Variants in ZNF658 observed in about 807,000 individuals in gnomAD.
The protein encoded by ZNF658 is zinc finger protein 658.
ZNF658 carries 46 observed loss-of-function variants against 78.0 expected under a neutral mutation model. The ratio of observed to expected loss-of-function variants is 0.59; its 90% CI spans 0.47 to 0.75. ZNF658 has a LOEUF of 0.75. Ranked by LOEUF, ZNF658 falls within the 30% of genes least tolerant of loss-of-function variation. The pLI, the probability that ZNF658 is intolerant of heterozygous loss-of-function variation, is 0.00. For synonymous variants in ZNF658, 279 were observed against 408.4 expected (o/e 0.68, Z 3.82); for missense variants, 785 against 1,189.3 (o/e 0.66, Z 5.00).
intron 6 of ZNF658, among the ~76,000 whole-genome samples, chr9:66,930,600 G>A (rs1417521304): frequency 1.3e-5 from 2 of 151,956 alleles, no homozygotes. Flanking sequence ...ACAAGGTCAA[G>A]AGATCGAGAC....
At chr9:66,925,738 T>C (rs1822580197), downstream of ZNF658, among the ~76,000 whole-genome samples, 1 of 152,076 alleles carries the variant, frequency 6.6e-6, no homozygotes, top group East Asian at 1.9e-4. Flanking sequence ...CAAACTCATT[T>C]CACGAGGCCA....
intron 4 of ZNF658, among the ~76,000 whole-genome samples, 199 bp downstream of exon 4, chr9:66,908,933 C>T (rs1822148872): frequency 6.6e-6 from 1 of 152,186 alleles, no homozygotes; most frequent in African/African-American, 2.4e-5. Flanking sequence ...CACTTTCATT[C>T]AACATGTATA....
chr9:66,902,286 T>C (rs1309646578), intron 1 of ZNF658, among the ~76,000 whole-genome samples: 5 of 141,754 alleles, frequency 3.5e-5, no homozygotes, highest in Non-Finnish European at 6.1e-5. Context: ...ACAGCCCATA[T>C]GACCGAGACC....
At chr9:66,909,306 A>G (rs1346291772) in intron 4 of ZNF658, among the ~76,000 whole-genome samples, 3 of 151,466 alleles carry the variant, frequency 2.0e-5, no homozygotes, top group African/African-American at 7.3e-5. Context: ...TGTGTCTATA[A>G]ATATGCCTAT....
At chr9:66,909,193 C>T (rs1320618629) in intron 4 of ZNF658, among the ~76,000 whole-genome samples, 1 of 152,180 alleles carries the variant, frequency 6.6e-6, no homozygotes, top group East Asian at 1.9e-4. Flanking sequence ...ATGCAGACAT[C>T]ACCACAGTTA....
intron 4 of ZNF658, among the ~76,000 whole-genome samples, chr9:66,913,371 G>A (rs551749801): frequency 3.3e-5 from 5 of 151,828 alleles, no homozygotes; most frequent in African/African-American, 1.2e-4. Flanking sequence ...GTTGCAGTGA[G>A]CCAAGATTGC....
intron 4 of ZNF658, among the ~76,000 whole-genome samples, chr9:66,910,911 AG>A (rs1822201531): frequency 6.6e-6 from 1 of 151,802 alleles, no homozygotes; most frequent in Non-Finnish European, 1.5e-5. Flanking sequence ...AATTCATTAA[AG>A]TAGGAAAAGC....
chr9:66,910,298 T>C (rs982645728), intron 4 of ZNF658, among the ~76,000 whole-genome samples: 1 of 152,128 alleles, frequency 6.6e-6, no homozygotes, highest in South Asian at 2.1e-4. Context: ...TAGTTTTCAA[T>C]GTCATTTTTA....
At position 66,908,316 on chromosome 9, in the gene ZNF658, C is replaced by T. The variant is rs1232416510; in HGVS notation, c.94C>T (p.Leu32=). 2 of 1,614,094 alleles carry T rather than the reference C, an allele frequency of 1.2e-6. No individual in the cohort carries two copies. The highest frequency in any genetic ancestry group is 8.5e-7 in the Non-Finnish European group (1 of 1,180,000). The change falls in exon 3 of 5, where the codon CTG becomes TTG. Residue 32 remains leucine (L), a synonymous_variant. Coordinates refer to ENST00000621410, the MANE Select transcript of ZNF658 (RefSeq NM_033160.7). ...GCACCTGGGCCCTGTCGAGAGGACG[C>T]TGTACAGAGATGTGATGCTGGAGAA... ...WQHLGPVERT[L]YRDVMLENYS...
At chr9:66,914,752 G>C (rs1366010400) in intron 4 of ZNF658, among the ~76,000 whole-genome samples, 1 of 151,986 alleles carries the variant, frequency 6.6e-6, no homozygotes, top group Non-Finnish European at 1.5e-5. Flanking sequence ...TGTAGTAACT[G>C]TTTGGCATTT....
intron 2 of ZNF658, among the ~76,000 whole-genome samples, chr9:66,905,074 T>TTTTC (rs1822046974): frequency 9.8e-6 from 1 of 102,050 alleles, no homozygotes; most frequent in Non-Finnish European, 2.0e-5. Context: ...TTTTCTTTTT[T>TTTTC]TTTTTTTTTT....
At chr9:66,929,956 G>C (rs997958574) in intron 6 of ZNF658, among the ~76,000 whole-genome samples, 2 of 133,096 alleles carry the variant, frequency 1.5e-5, no homozygotes, top group African/African-American at 5.7e-5. Flanking sequence ...GCTAATTTTT[G>C]TAATTTTAAT....
At position 66,920,930 on chromosome 9, in the gene ZNF658, C is replaced by A. The variant is rs1489092496; in HGVS notation, c.*184C>A. ...GTGCTAATGATAAATATTACATTTA[C>A]CCTTGGCCCTTAAAAAAAAAAAAGA... On this transcript the variant is annotated 3_prime_UTR_variant, in exon 5 of 5. Coordinates refer to ENST00000621410, the MANE Select transcript of ZNF658 (RefSeq NM_033160.7). 5 of 712,108 alleles carry A rather than the reference C, an allele frequency of 7.0e-6. No homozygotes were observed. The highest frequency in any genetic ancestry group is 2.5e-5 in the East Asian group (1 of 40,326). The allele number at this position is 712,108 out of a possible 1,614,324, so 44.1% of individuals were successfully genotyped here.
chr9:66,905,738 TTC>T, intron 2 of ZNF658, among the ~76,000 whole-genome samples: 1 of 147,648 alleles, frequency 6.8e-6, no homozygotes, highest in East Asian at 2.0e-4. Context: ...TTTTTATAGT[TTC>T]TGTTTATTTA....
chr9:66,929,869 C>T (rs1336066439), intron 6 of ZNF658, among the ~76,000 whole-genome samples: 6 of 131,254 alleles, frequency 4.6e-5, no homozygotes, highest in African/African-American at 1.1e-4. Flanking sequence ...CTGCAACCTT[C>T]GCCTCCCGGG....
chr9:66,917,991 A>G lies in ZNF658; in HGVS notation c.425A>G (p.His142Arg). ...SEKISCKCDS[H>R]RMNLPVASQL... ...AAAATATCCTGTAAATGTGACTCAC[A>G]CAGAATGAATTTGCCAGTTGCTTCT... The change falls in exon 5 of 5, where the codon CAC becomes CGC. Residue 142 changes from histidine (H) to arginine (R), a missense_variant. Coordinates refer to ENST00000621410, the MANE Select transcript of ZNF658 (RefSeq NM_033160.7). 2 of 1,593,786 alleles carry G rather than the reference A, an allele frequency of 1.3e-6. No individual in the cohort carries two copies. The highest frequency in any genetic ancestry group is 8.5e-7 in the Non-Finnish European group (1 of 1,175,224).
At chr9:66,925,379 G>C (rs1416628031), downstream of ZNF658, among the ~76,000 whole-genome samples, 1 of 151,962 alleles carries the variant, frequency 6.6e-6, no homozygotes, top group Non-Finnish European at 1.5e-5. Flanking sequence ...CTAAGAAGAA[G>C]GAAGACAAAA....
intron 1 of ZNF658, among the ~76,000 whole-genome samples, chr9:66,901,427 G>T (rs1335321926): frequency 6.6e-6 from 1 of 151,750 alleles, no homozygotes; most frequent in Non-Finnish European, 1.5e-5. Flanking sequence ...CCTTCAGAGC[G>T]CTTATGCAGA....
At chr9:66,904,048 T>C (rs1225463815) in intron 2 of ZNF658, among the ~76,000 whole-genome samples, 1 of 151,860 alleles carries the variant, frequency 6.6e-6, no homozygotes, top group East Asian at 1.9e-4. Flanking sequence ...AGTGCAAGGG[T>C]TGAATTTAAC....
Sources: allele counts gnomAD v4.1 joint callset (sites outside exome capture counted in the v4.1 genomes callset), GRCh38; gene constraint gnomAD v4.1.1; transcripts MANE v1.5; gene names NCBI Gene and HGNC (gene_info 2026-07-23, HGNC 2026-07-21).